The following TNXB variants were observed in gnomAD, a reference collection of about 807,000 sequenced individuals.
The protein encoded by TNXB is tenascin XB.
A neutral mutation model predicts 340.5 loss-of-function variants in TNXB; 183 were observed. The ratio of observed to expected loss-of-function variants is 0.54; its 90% CI spans 0.48 to 0.61. The LOEUF is 0.61. TNXB is among the 20% of genes least tolerant of loss of function. The probability of loss-of-function intolerance (pLI) is 0.00; values close to 1 mark genes in which losing one functional copy is unlikely to be tolerated. For missense variants in TNXB, 4,613 were observed against 5,446.4 expected (o/e 0.85, Z 4.82); for synonymous variants, 2,121 against 2,314.5 (o/e 0.92, Z 2.40).
In TNXB at chr6:32,084,721, G is replaced by A. The variant is rs1334995809; in HGVS notation, c.3149-12C>T. On this transcript the variant is annotated splice_polypyrimidine_tract_variant and intron_variant, in intron 7 of 43. Transcript: ENST00000644971. This position sits in a 1 kb window ranked among gnomAD's most constrained non-coding sequence, Gnocchi z 5.5. Reference sequence around the variant, plus strand: ...CTCCTCATCCTTGTCTGGAGTTTGAGAGGCAAAAGCAAAGCATAGTGGACT... The same window carrying A: ...CTCCTCATCCTTGTCTGGAGTTTGAAAGGCAAAAGCAAAGCATAGTGGACT... 5 of 1,546,524 alleles carry A rather than the reference G, an allele frequency of 3.2e-6. No homozygotes were observed. The highest frequency in any genetic ancestry group is 4.4e-6 in the Non-Finnish European group (5 of 1,143,718).
rs1370806672 is a variant in TNXB, at chr6:32,074,236, G to A, written c.4376-284C>T. On this transcript the variant is annotated intron_variant, in intron 11 of 43. Transcript: ENST00000644971. This position sits in a 1 kb window ranked among gnomAD's most constrained non-coding sequence, Gnocchi z 5.5. ...AGACGGCATTTGCCATGTTGGCCAGGCTGGTCTCAAACCCCTGACCTCAGG... is the reference window on the plus strand; with the variant it reads ...AGACGGCATTTGCCATGTTGGCCAGACTGGTCTCAAACCCCTGACCTCAGG... Among the ~76,000 whole-genome samples the A allele has an allele frequency of 2.0e-5, 3 of 152,154 alleles. No individual in the cohort carries two copies. In the East Asian group the frequency reaches 5.8e-4, roughly 29 times the overall value.
At chr6:32,088,657 G>A in intron 6 of TNXB, 128 bp downstream of exon 6, 1 of 1,342,986 alleles carries the variant, frequency 7.4e-7, no homozygotes, top group Non-Finnish European at 1.0e-6. Context: ...CCCAGCAGGT[G>A]CCTCGAGACT....
intron 21 of TNXB, among the ~76,000 whole-genome samples, chr6:32,060,328 A>G (rs1247226439): frequency 2.7e-5 from 4 of 150,190 alleles, no homozygotes; most frequent in Non-Finnish European, 4.4e-5. Flanking sequence ...GCGAAACTTC[A>G]TCTCAAAAAA....
At position 32,096,794 on chromosome 6, in the gene TNXB, C is replaced by G; in HGVS notation, c.1059G>C (p.Val353=). 3 of 1,582,510 alleles carry G rather than the reference C, an allele frequency of 1.9e-6. No homozygotes were observed. Among genetic ancestry groups the G allele is most frequent in the Non-Finnish European group, 2.6e-6 (3 of 1,165,806 alleles). The change falls in exon 3 of 44, where the codon GTG becomes GTC. Residue 353 remains valine (V), a synonymous_variant. Transcript: ENST00000644971. ...CGGGCCAGCACACGCAGCGGCCGTC[C>G]ACGCAGCGCCCGCCCTCGCCACAGT... ...PWDCGEGGRC[V]DGRCVCWPGY... is the part of the protein sequence containing the mutation.
chr6:32,061,494 G>T lies in TNXB; in HGVS notation c.7395C>A (p.Thr2465=). 1 of 1,611,980 alleles carries T rather than the reference G, an allele frequency of 6.2e-7. No individual in the cohort carries two copies. The highest frequency in any genetic ancestry group is 8.5e-7 in the Non-Finnish European group (1 of 1,179,802). The change falls in exon 21 of 44, where the codon ACC becomes ACA. Residue 2465 remains threonine (T), a synonymous_variant. Coordinates refer to ENST00000644971, the MANE Select transcript of TNXB (RefSeq NM_001365276.2). The surrounding 1 kb of genome is among the most constrained non-coding windows in gnomAD (Gnocchi z 4.4). The part of the protein sequence containing the change: ...VRVGGEESEV[T]VGGLEPGRKY... ...TGCGCCCAGGCTCCAGGCCCCCCAC[G>T]GTGACCTCGCTCTCCTCGCCCCCAA...
In TNXB at chr6:32,041,421, G is replaced by T; in HGVS notation, c.12663C>A (p.Phe4221Leu). ...TTTCCGTGAAGGGCACCGAGAACTC[G>T]AAGCCCTTCCAGTGGTACCAGCTCA... ...QGVSWYHWKGFEFSVPFTEMK... is the reference protein window; with the variant it reads ...QGVSWYHWKGLEFSVPFTEMK... The change falls in exon 44 of 44, where the codon TTC (phenylalanine) becomes TTA (leucine). Residue 4221 changes from phenylalanine (F) to leucine (L), a missense_variant. Transcript: ENST00000644971. The T allele has an allele frequency of 1.0e-6, 1 of 1,002,874 alleles. No individual in the cohort carries two copies. 62.1% of individuals were successfully genotyped at this position (1,002,874 alleles called of 1,614,324 possible).
chr6:32,070,048 A>G lies in TNXB; in HGVS notation c.5278+79T>C. ...CGAGTGGCTGGGGCCAAATAATGGT[A>G]ATGGCAGCCACCACAAGTGACCGTC... On this transcript the variant is annotated intron_variant, in intron 14 of 43. Transcript: ENST00000644971. The surrounding 1 kb of genome is among the most constrained non-coding windows in gnomAD (Gnocchi z 6.0). 6.9e-7 allele frequency: 1 copy of G among 1,447,654 alleles called. No homozygotes were observed. The highest frequency in any genetic ancestry group is 2.6e-5 in the Admixed American group (1 of 38,734). 89.7% of individuals were successfully genotyped at this position (1,447,654 alleles called of 1,614,324 possible).
chr6:32,073,216 G>A lies in TNXB; in HGVS notation c.4681+431C>T, dbSNP rs17201553. ...TGGAATGCAGTGCAGGCAGGTGGCA[G>A]AGGACTCCTGAGAAGGGACTCAGGA... is the stretch of plus-strand genomic sequence containing the variant. On this transcript the variant is annotated intron_variant, in intron 12 of 43. Coordinates refer to ENST00000644971, the MANE Select transcript of TNXB (RefSeq NM_001365276.2). This position sits in a 1 kb window ranked among gnomAD's most constrained non-coding sequence, Gnocchi z 4.6. Among the ~76,000 whole-genome samples the A allele has an allele frequency of 0.018, 2,751 of 152,192 alleles. 74 individuals carry two copies. The highest frequency in any genetic ancestry group is 0.077 in the South Asian group (373 of 4,824).
intron 24 of TNXB, among the ~76,000 whole-genome samples, chr6:32,054,203 C>T (rs899222791): frequency 6.6e-6 from 1 of 152,068 alleles, no homozygotes; most frequent in Non-Finnish European, 1.5e-5. Flanking sequence ...GTCCCCAATC[C>T]TAGTTTGAGC....
chr6:32,082,343 G>A lies in TNXB; in HGVS notation c.3446-17C>T, dbSNP rs1356787520. On this transcript the variant is annotated splice_polypyrimidine_tract_variant and intron_variant, in intron 8 of 43. Coordinates refer to ENST00000644971, the MANE Select transcript of TNXB (RefSeq NM_001365276.2). This position sits in a 1 kb window ranked among gnomAD's most constrained non-coding sequence, Gnocchi z 5.0. ...TCTGAGGCACTAGGAAGAGTGGGTA[G>A]AGAGAAGGGAGAGACTTAGGTCCAA... The A allele has an allele frequency of 6.4e-7, 1 of 1,570,394 alleles. No homozygotes were observed. The highest frequency in any genetic ancestry group is 8.7e-7 in the Non-Finnish European group (1 of 1,155,796).
intron 6 of TNXB, among the ~76,000 whole-genome samples, chr6:32,086,400 G>A (rs1475359153): frequency 6.6e-6 from 1 of 152,130 alleles, no homozygotes; most frequent in Non-Finnish European, 1.5e-5. Flanking sequence ...TCCAGCCCCC[G>A]GAGACTTCCA....
At chr6:32,060,024 T>C (rs2151905636) in intron 21 of TNXB, among the ~76,000 whole-genome samples, 1 of 152,068 alleles carries the variant, frequency 6.6e-6, no homozygotes, top group Non-Finnish European at 1.5e-5. Context: ...AATTTTGAAC[T>C]TCCTCATAAT....
At chr6:32,088,699 T>A (rs957245532) in intron 6 of TNXB, 86 bp downstream of exon 6, 2 of 1,496,072 alleles carry the variant, frequency 1.3e-6, no homozygotes, top group African/African-American at 2.8e-5. Context: ...TTCAGAGGAG[T>A]CTGTGAGCCC....
Position 32,072,239 on chromosome 6 carries a change from C to T in TNXB, c.4741G>A (p.Gly1581Arg). The T allele has an allele frequency of 6.2e-7, 1 of 1,610,416 alleles. No individual in the cohort carries two copies. Among genetic ancestry groups the T allele is most frequent in the South Asian group, 1.1e-5 (1 of 90,322 alleles). Residue 1581 changes from glycine to arginine, a missense_variant, in exon 13 of 44, where the codon GGG becomes AGG. Gly to Arg is a moderately radical substitution (Grantham distance 125). Transcript: ENST00000644971. This position sits in a 1 kb window ranked among gnomAD's most constrained non-coding sequence, Gnocchi z 4.4. Reference sequence around the variant, plus strand: ...GTTATATCCGTCACTGTCAGCTCCCCTAGGCGTGGCTCCAGGGGAGGCTTG... The same window carrying T: ...GTTATATCCGTCACTGTCAGCTCCCTTAGGCGTGGCTCCAGGGGAGGCTTG... ...ASKPPLEPRLGELTVTDITPD... is the reference protein window; with the variant it reads ...ASKPPLEPRLRELTVTDITPD...
intron 1 of TNXB, among the ~76,000 whole-genome samples, chr6:32,099,690 ACT>A (rs1322504341): frequency 1.4e-5 from 2 of 147,350 alleles, no homozygotes; most frequent in African/African-American, 5.0e-5. Flanking sequence ...TCAACTCCTC[ACT>A]CTCAACTGGA....
chr6:32,057,176 C>A (rs1396284033), intron 22 of TNXB, among the ~76,000 whole-genome samples: 1 of 152,010 alleles, frequency 6.6e-6, no homozygotes. Context: ...AGCACAGCCC[C>A]ACTCGGCCTC....
chr6:32,107,474 C>T (rs546098628), intron 1 of TNXB, among the ~76,000 whole-genome samples: 19 of 152,244 alleles, frequency 1.2e-4, no homozygotes, highest in African/African-American at 4.6e-4. Flanking sequence ...GCTCTTCTCT[C>T]GGTACTGGGC....
At position 32,097,564 on chromosome 6, in the gene TNXB, T is replaced by C; in HGVS notation, c.404-115A>G. The C allele has an allele frequency of 3.1e-6, 4 of 1,307,928 alleles. No homozygotes were observed. The highest frequency in any genetic ancestry group is 3.1e-6 in the Non-Finnish European group (3 of 968,764). The allele number at this position is 1,307,928 out of a possible 1,614,324, so 81.0% of individuals were successfully genotyped here. A position where few individuals can be genotyped will look rare whatever the true frequency, so the allele number is the denominator to read the frequency against. On this transcript the variant is annotated intron_variant, in intron 2 of 43. Coordinates refer to ENST00000644971, the MANE Select transcript of TNXB (RefSeq NM_001365276.2). This position sits in a 1 kb window ranked among gnomAD's most constrained non-coding sequence, Gnocchi z 5.9. ...AGGCTAGCCTCATCTCATAAGGCCA[T>C]GTCTGCTCCCAGTTGCTAGTATGTG...
At position 32,058,258 on chromosome 6, in the gene TNXB, C is replaced by T; in HGVS notation, c.7625G>A (p.Trp2542Ter). ...GTCAAAGCGGCCCTGGGGGACGGTC[C>T]AGGAAAGGCTCAGCGAGTCAGGGGA... is the stretch of plus-strand genomic sequence containing the variant. ...GSSPDSLSLS[W>*]TVPQGRFDSF... Residue 2542 changes from tryptophan (W) to a stop codon, truncating the protein, a stop_gained, in exon 22 of 44, where the codon TGG becomes TAG. Coordinates refer to ENST00000644971, the MANE Select transcript of TNXB (RefSeq NM_001365276.2). LOFTEE classifies it high-confidence loss of function. This position sits in a 1 kb window ranked among gnomAD's most constrained non-coding sequence, Gnocchi z 5.1. The T allele has an allele frequency of 6.2e-7, 1 of 1,612,472 alleles. No homozygotes were observed. The highest frequency in any genetic ancestry group is 8.5e-7 in the Non-Finnish European group (1 of 1,179,860).
Sources: gnomAD v4.1 joint callset for allele counts (sites outside exome capture counted in the v4.1 genomes callset) on GRCh38, gnomAD v4.1.1 for gene constraint, Gnocchi (gnomAD v3.1) non-coding constraint, MANE v1.5 for transcripts, NCBI Gene and HGNC (gene_info 2026-07-23, HGNC 2026-07-21) for gene names.